PTPRD: variants seen among roughly 807,000 people sequenced by gnomAD.
PTPRD encodes the protein protein tyrosine phosphatase receptor type D.
A neutral mutation model predicts 214.5 loss-of-function variants in PTPRD; 34 were observed. The observed-to-expected ratio is 0.16, with a 90% confidence interval of 0.12 to 0.21. The LOEUF is 0.21. PTPRD is among the 10% of genes least tolerant of loss of function. The pLI is 1.00. For missense variants in PTPRD, 2,545 were observed against 2,398.7 expected (o/e 1.06, Z -1.27); for synonymous variants, 1,128 against 845.7 (o/e 1.33, Z -5.79).
At chr9:10,296,239 A>G (rs560436630) in intron 3 of PTPRD, among the ~76,000 whole-genome samples, 1 of 152,106 alleles carries the variant, frequency 6.6e-6, no homozygotes, top group Non-Finnish European at 1.5e-5. Flanking sequence ...ATTAAGTAAT[A>G]TTGAAACCAA....
intron 2 of PTPRD, among the ~76,000 whole-genome samples, chr9:10,531,639 T>C (rs1041409933): frequency 6.6e-6 from 1 of 152,158 alleles, no homozygotes; most frequent in African/African-American, 2.4e-5. Flanking sequence ...GGATACAAAG[T>C]TGTAATATCA....
At chr9:9,702,833 T>A (rs2097529872) in intron 7 of PTPRD, among the ~76,000 whole-genome samples, 1 of 152,142 alleles carries the variant, frequency 6.6e-6, no homozygotes, top group Non-Finnish European at 1.5e-5. Flanking sequence ...AGAAAGTGAA[T>A]GTGATCAGGA....
chr9:8,681,243 A>G (rs2097543837), intron 12 of PTPRD, among the ~76,000 whole-genome samples: 1 of 152,182 alleles, frequency 6.6e-6, no homozygotes, highest in African/African-American at 2.4e-5. Context: ...TTTTTAGTTA[A>G]TGGTAAAGTC....
chr9:9,947,903 G>C (rs901651600), intron 4 of PTPRD, among the ~76,000 whole-genome samples: 1 of 151,540 alleles, frequency 6.6e-6, no homozygotes, highest in South Asian at 2.1e-4. Flanking sequence ...AATCAAGAAA[G>C]ACAGCCTTAT....
chr9:9,925,885 G>C (rs2084118031), intron 5 of PTPRD, among the ~76,000 whole-genome samples: 1 of 152,138 alleles, frequency 6.6e-6, no homozygotes, highest in South Asian at 2.1e-4. Context: ...CTAGAGTACA[G>C]TGTCATGGTC....
intron 2 of PTPRD, among the ~76,000 whole-genome samples, chr9:10,611,840 T>A (rs998229644): frequency 2.6e-5 from 4 of 151,966 alleles, no homozygotes; most frequent in African/African-American, 7.3e-5. Flanking sequence ...CTTACAGGCA[T>A]GAAGAAATCG....
chr9:9,170,294 T>A (rs2130924417), intron 10 of PTPRD, among the ~76,000 whole-genome samples: 1 of 152,322 alleles, frequency 6.6e-6, no homozygotes, highest in South Asian at 2.1e-4. Flanking sequence ...TCAAAATCAC[T>A]GTGATGGGTA....
chr9:8,964,829 A>G (rs1040414264), intron 11 of PTPRD, among the ~76,000 whole-genome samples: 10 of 152,152 alleles, frequency 6.6e-5, no homozygotes, highest in African/African-American at 2.4e-4. Flanking sequence ...TTCAGAAAAA[A>G]TTAATTTGCA....
At chr9:8,851,184 G>C (rs1443776961) in intron 11 of PTPRD, among the ~76,000 whole-genome samples, 1 of 142,836 alleles carries the variant, frequency 7.0e-6, no homozygotes, top group African/African-American at 2.7e-5. Context: ...AGCTTTCTAA[G>C]ATGCACTACC....
chr9:8,618,483 T>C (rs1280136685), intron 14 of PTPRD, among the ~76,000 whole-genome samples: 1 of 152,036 alleles, frequency 6.6e-6, no homozygotes, highest in Non-Finnish European at 1.5e-5. Flanking sequence ...CTGTGAATAA[T>C]TTTCTTAATG....
At chr9:8,960,672 T>A (rs1006407047) in intron 11 of PTPRD, among the ~76,000 whole-genome samples, 11 of 152,120 alleles carry the variant, frequency 7.2e-5, no homozygotes, top group African/African-American at 2.7e-4. Flanking sequence ...GTGGGAGAAA[T>A]AAAGGCTCAA....
rs1564283052 is a variant in PTPRD, at chr9:9,646,318, G to GT, written c.-286-71538_-286-71537insA. Among the ~76,000 whole-genome samples the GT allele has an allele frequency of 5.5e-3, 750 of 137,276 alleles. 6 individuals are homozygous for GT. The highest frequency in any genetic ancestry group is 0.02 in the African/African-American group (723 of 36,060). The allele number at this position is 137,276 out of a possible 152,430, so 90.1% of individuals were successfully genotyped here. ...TTTGGGAGGGGTGTGTGTGTGTGTG[G>GT]GTGTGTGTGTGTGTGTGTGTGTGTG... On this transcript the variant is annotated intron_variant, in intron 7 of 45. Transcript: ENST00000381196.
At chr9:10,506,798 G>T (rs1038540968) in intron 2 of PTPRD, among the ~76,000 whole-genome samples, 1 of 151,908 alleles carries the variant, frequency 6.6e-6, no homozygotes, top group Non-Finnish European at 1.5e-5. Context: ...TTTTTGTAAC[G>T]TACTTCAATT....
chr9:9,787,858 T>C (rs2098937258), intron 5 of PTPRD, among the ~76,000 whole-genome samples: 1 of 151,960 alleles, frequency 6.6e-6, no homozygotes, highest in South Asian at 2.1e-4. Context: ...CTCGGCTCAC[T>C]GCAACCTCCA....
chr9:8,471,279 G>A (rs898178464), intron 30 of PTPRD, among the ~76,000 whole-genome samples, 194 bp from the exon 31 acceptor site: 1 of 152,070 alleles, frequency 6.6e-6, no homozygotes, highest in Non-Finnish European at 1.5e-5. Context: ...ACATTTATGT[G>A]TGATTGCAGT....
At chr9:8,759,421 T>C (rs2094255448) in intron 11 of PTPRD, among the ~76,000 whole-genome samples, 1 of 152,134 alleles carries the variant, frequency 6.6e-6, no homozygotes, top group Non-Finnish European at 1.5e-5. Flanking sequence ...TTAAAGCTTC[T>C]GTTCTCTGCT....
At chr9:10,514,454 G>C (rs1218287058) in intron 2 of PTPRD, among the ~76,000 whole-genome samples, 1 of 151,154 alleles carries the variant, frequency 6.6e-6, no homozygotes, top group Non-Finnish European at 1.5e-5. Flanking sequence ...GACATATATA[G>C]TTATATATAT....
At chr9:9,324,349 C>T (rs1008277365) in intron 9 of PTPRD, among the ~76,000 whole-genome samples, 3 of 152,278 alleles carry the variant, frequency 2.0e-5, no homozygotes, top group Non-Finnish European at 2.9e-5. Context: ...TCTCCAGCAC[C>T]TGTTGTTTCT....
chr9:10,488,262 G>A (rs2099146080), intron 2 of PTPRD, among the ~76,000 whole-genome samples: 1 of 151,678 alleles, frequency 6.6e-6, no homozygotes, highest in Non-Finnish European at 1.5e-5. Flanking sequence ...AGCTACTCAG[G>A]AGGCTGAGGC....
Sources: allele counts gnomAD v4.1 joint callset (sites outside exome capture counted in the v4.1 genomes callset), GRCh38; gene constraint gnomAD v4.1.1; transcripts MANE v1.5; gene names NCBI Gene and HGNC (gene_info 2026-07-23, HGNC 2026-07-21).